Variants in DHRS4L2 observed in about 807,000 individuals in gnomAD.
The protein encoded by DHRS4L2 is dehydrogenase/reductase SDR family member 4-like 2.
DHRS4L2 carries 22 observed loss-of-function variants against 23.9 expected under a neutral mutation model. The ratio of observed to expected loss-of-function variants is 0.92; its 90% confidence interval spans 0.66 to 1.31. DHRS4L2 has a LOEUF of 1.31. DHRS4L2 is among the 40% of genes most tolerant of loss of function. The pLI, the probability that DHRS4L2 is intolerant of heterozygous loss-of-function variation, is 0.00. For synonymous variants in DHRS4L2, 141 were observed against 123.7 expected (o/e 1.14, Z -0.93); for missense variants, 385 against 303.3 (o/e 1.27, Z -2.00).
intron 1 of DHRS4L2, among the ~76,000 whole-genome samples, chr14:23,981,927 C>T (rs1383725155): frequency 6.6e-6 from 1 of 151,728 alleles, no homozygotes; most frequent in Non-Finnish European, 1.5e-5. Flanking sequence ...GGTTGTTCTC[C>T]TAACTCAGAA....
rs375966037 is a variant in DHRS4L2 at position 24,000,879 on chromosome 14, T to G, written c.425T>G (p.Val142Gly). 36 of 1,610,204 alleles carry G rather than the reference T, an allele frequency of 2.2e-5. 1 individual carries two copies. Among genetic ancestry groups the G allele is most frequent in the Non-Finnish European group, 2.8e-5 (33 of 1,178,604 alleles). Residue 142 changes from valine to glycine, a missense_variant, in exon 4 of 8, where the codon GTG becomes GGG. Val to Gly is a moderately radical substitution (Grantham distance 109). Transcript: ENST00000335125. ...TGGCTTCAGACTCTGGACATTAATG[T>G]GAAGGCCCCAGCCCTGATGACAAAG... ...EVWDKTLDIN[V>G]KAPALMTKAV...
In DHRS4L2 at chr14:24,001,169, C is replaced by A; in HGVS notation, c.531+85C>A. On this transcript the variant is annotated intron_variant, in intron 5 of 7. Transcript: ENST00000335125. ...TCCTATTACCCAAAGAAGTTTGTGTCCCCTTGTAGAATCACACCACCAAGT... is the reference window on the plus strand; with the variant it reads ...TCCTATTACCCAAAGAAGTTTGTGTACCCTTGTAGAATCACACCACCAAGT... The A allele has an allele frequency of 3.1e-6, 5 of 1,606,624 alleles. No homozygotes were observed. In the South Asian group the frequency reaches 5.5e-5, roughly 18 times the overall value.
intron 4 of DHRS4L2, 37 bp downstream of exon 4, chr14:24,000,970 C>A (rs748957064): frequency 6.2e-6 from 10 of 1,611,356 alleles, no homozygotes; most frequent in Admixed American, 1.7e-5. Context: ...TGAGAGGGGA[C>A]CCCACACAGG....
chr14:23,974,625 A>G (rs1380402253), intron 1 of DHRS4L2, among the ~76,000 whole-genome samples: 4 of 151,898 alleles, frequency 2.6e-5, no homozygotes, highest in African/African-American at 7.3e-5. Context: ...AAACACCTCT[A>G]TGCAAATAAA....
chr14:23,972,555 G>C (rs1318615165), intron 1 of DHRS4L2, among the ~76,000 whole-genome samples: 3 of 151,942 alleles, frequency 2.0e-5, no homozygotes, highest in Non-Finnish European at 4.4e-5. Context: ...GGGGACCCAA[G>C]CGGGTTGCTA....
intron 1 of DHRS4L2, chr14:23,970,393 G>A (rs1393101289): frequency 1.0e-5 from 4 of 382,046 alleles, no homozygotes; most frequent in South Asian, 1.9e-5. Context: ...ACGGGGCCGT[G>A]GGGGAGGGAA....
Position 23,978,073 on chromosome 14 carries a change from C to A in DHRS4L2, c.-176+7741C>A, listed in dbSNP as rs1349675788. Among the ~76,000 whole-genome samples the A allele has an allele frequency of 3.3e-5, 5 of 151,730 alleles. No homozygotes were observed. In the East Asian group the frequency reaches 9.7e-4, roughly 29 times the overall value. On this transcript the variant is annotated intron_variant, in intron 1 of 5. Coordinates refer to the DHRS4L2 transcript ENST00000534993. ...TCCTCACACTTTGCACTTCAATAAA[C>A]ACTCCTTAAATTCAATTCTCACCCT...
At chr14:23,997,203 T>C (rs2034399650) in intron 3 of DHRS4L2, among the ~76,000 whole-genome samples, 1 of 129,902 alleles carries the variant, frequency 7.7e-6, no homozygotes, top group Non-Finnish European at 1.6e-5. Flanking sequence ...TTTTAAAATA[T>C]ATATACGTAT....
Position 24,006,321 on chromosome 14 carries a change from C to T in DHRS4L2, c.*458C>T, listed in dbSNP as rs1312211215. 1 of 330,608 alleles carries T rather than the reference C, an allele frequency of 3.0e-6. No individual in the cohort carries two copies. Among genetic ancestry groups the T allele is most frequent in the Non-Finnish European group, 5.6e-6 (1 of 179,922 alleles). The allele number at this position is 330,608 out of a possible 1,614,324, so 20.5% of individuals were successfully genotyped here. Reference sequence around the variant, plus strand: ...CTGAGGGGTGATGGGAGAGAAGGAACCTGGAGTGGAAGGAGCAGAGTTGCA... The same window carrying T: ...CTGAGGGGTGATGGGAGAGAAGGAATCTGGAGTGGAAGGAGCAGAGTTGCA... On this transcript the variant is annotated 3_prime_UTR_variant, in exon 8 of 8. Transcript: ENST00000335125.
chr14:23,982,483 C>A (rs1191145994), intron 1 of DHRS4L2, among the ~76,000 whole-genome samples: 1 of 151,396 alleles, frequency 6.6e-6, no homozygotes, highest in Non-Finnish European at 1.5e-5. Context: ...TCTTTCTTTT[C>A]CCTACATATA....
intron 1 of DHRS4L2, among the ~76,000 whole-genome samples, chr14:23,974,304 C>G (rs532510091): frequency 6.6e-5 from 10 of 151,640 alleles, no homozygotes; most frequent in Non-Finnish European, 1.2e-4. Flanking sequence ...CAGGAAAGAT[C>G]TAAAATCAAC....
intron 2 of DHRS4L2, among the ~76,000 whole-genome samples, chr14:23,992,747 A>G (rs1442893139): frequency 1.3e-5 from 2 of 150,636 alleles, no homozygotes; most frequent in Non-Finnish European, 3.0e-5. Flanking sequence ...GTGCAGTGAC[A>G]TGATCATAGC....
chr14:23,982,395 C>A (rs1305730833), intron 1 of DHRS4L2, among the ~76,000 whole-genome samples: 5 of 151,654 alleles, frequency 3.3e-5, no homozygotes, highest in Non-Finnish European at 7.4e-5. Context: ...CAGGGCAAAG[C>A]AATTGTTCAG....
chr14:23,995,371 G>A (rs1459808848), intron 3 of DHRS4L2, among the ~76,000 whole-genome samples: 1 of 151,610 alleles, frequency 6.6e-6, no homozygotes, highest in Non-Finnish European at 1.5e-5. Flanking sequence ...ATTAGCCACT[G>A]CTCCCCTCCC....
intron 1 of DHRS4L2, 99 bp from the exon 2 acceptor site, chr14:23,990,083 G>A (rs1594465041): frequency 9.0e-6 from 14 of 1,547,612 alleles, no homozygotes; most frequent in Non-Finnish European, 1.2e-5. Context: ...TAGAGAAAGA[G>A]CCAGAATTCA....
chr14:23,989,062 G>T lies in DHRS4L2; in HGVS notation c.115G>T (p.Ala39Ser). 6.3e-7 allele frequency: 1 copy of T among 1,579,264 alleles called. No individual in the cohort carries two copies. The highest frequency in any genetic ancestry group is 8.6e-7 in the Non-Finnish European group (1 of 1,162,930). ...PLTNKVALVT[A>S]STDGIGFAIA... Reference sequence around the variant, plus strand: ...CACAAATAAGGTGGCCCTGGTAACGGCCTCCACCGACGGGTGAGTGTTGGT... The same window carrying T: ...CACAAATAAGGTGGCCCTGGTAACGTCCTCCACCGACGGGTGAGTGTTGGT... Residue 39 changes from alanine (A) to serine (S), a missense_variant, in exon 1 of 8, where the codon GCC (alanine) becomes TCC (serine). Transcript: ENST00000335125.
intron 2 of DHRS4L2, among the ~76,000 whole-genome samples, chr14:23,991,262 C>T (rs146343195): frequency 0.05 from 7,573 of 151,790 alleles, 439 homozygotes; most frequent in East Asian, 0.21. Context: ...GTCTGGCAGA[C>T]ACTCAAATGT....
intron 1 of DHRS4L2, among the ~76,000 whole-genome samples, chr14:23,974,775 A>G (rs2033934405): frequency 6.6e-6 from 1 of 151,912 alleles, no homozygotes; most frequent in Admixed American, 6.6e-5. Flanking sequence ...CCAAACCAAA[A>G]AAGTCCAGGA....
At chr14:23,991,444 T>C (rs1002347298) in intron 2 of DHRS4L2, among the ~76,000 whole-genome samples, 2 of 151,714 alleles carry the variant, frequency 1.3e-5, no homozygotes, top group African/African-American at 4.8e-5. Context: ...TAAGTAGCAA[T>C]GTAATGTGAA....
Sources: gnomAD v4.1 joint callset for allele counts (sites outside exome capture counted in the v4.1 genomes callset) on GRCh38, gnomAD v4.1.1 for gene constraint, MANE v1.5 for transcripts, NCBI Gene and HGNC (gene_info 2026-07-23, HGNC 2026-07-21) for gene names.